The following EFHC1 variants were observed in gnomAD, a reference collection of about 807,000 sequenced individuals.
EFHC1 encodes EF-hand domain containing 1, also known as EF-hand domain-containing protein 1.
A neutral mutation model predicts 69.9 loss-of-function variants in EFHC1; 53 were observed. That is an observed-to-expected ratio of 0.76 (90% CI 0.61 to 0.95). The LOEUF is 0.95. Among genes scored for constraint, EFHC1 ranks in the 40% least tolerant of loss-of-function variants. The pLI is 0.00. For missense variants in EFHC1, 739 were observed against 798.7 expected (o/e 0.93, Z 0.90); for synonymous variants, 256 against 278.4 (o/e 0.92, Z 0.80).
At chr6:52,458,110 G>C (rs1247807139) in intron 5 of EFHC1, among the ~76,000 whole-genome samples, 4 of 152,164 alleles carry the variant, frequency 2.6e-5, no homozygotes, top group African/African-American at 9.7e-5. Flanking sequence ...GTGGAGAAAT[G>C]ATTGTCTTTT....
At chr6:52,421,950 G>A (rs1388629787) in intron 1 of EFHC1, among the ~76,000 whole-genome samples, 2 of 152,212 alleles carry the variant, frequency 1.3e-5, no homozygotes, top group Non-Finnish European at 2.9e-5. Context: ...CAAGTAAGAA[G>A]AACTGTGCAT....
At position 52,490,330 on chromosome 6, in the gene EFHC1, G is replaced by GTTAATCGCTTAACCAAGTC. The variant is rs1467041094; in HGVS notation, c.1831_1832insTTAATCGCTTAACCAAGTC (p.Asp611ValfsTer8). On this transcript the variant is annotated frameshift_variant, in exon 10 of 11. Transcript: ENST00000371068. LOFTEE classifies it high-confidence loss of function. ...CTGTGAATCGCTTAACGTCCCAGTG[G>GTTAATCGCTTAACCAAGTC]ATGACTCCTTGGTTAAGGAGGTCAG... 10 of 1,613,988 alleles carry GTTAATCGCTTAACCAAGTC rather than the reference G, an allele frequency of 6.2e-6. No homozygotes were observed. Among genetic ancestry groups the GTTAATCGCTTAACCAAGTC allele is most frequent in the Non-Finnish European group, 6.8e-6 (8 of 1,179,974 alleles).
At chr6:52,474,207 C>G (rs1765497649) in intron 7 of EFHC1, among the ~76,000 whole-genome samples, 1 of 152,144 alleles carries the variant, frequency 6.6e-6, no homozygotes, top group South Asian at 2.1e-4. Context: ...TCCCAGTTAC[C>G]TGGGACACTA....
intron 9 of EFHC1, among the ~76,000 whole-genome samples, chr6:52,481,359 C>T (rs768497053): frequency 6.6e-5 from 10 of 152,072 alleles, no homozygotes; most frequent in African/African-American, 1.9e-4. Context: ...CTGGATATAT[C>T]GTATATTAGG....
At chr6:52,450,270 C>T (rs1432813311) in intron 3 of EFHC1, among the ~76,000 whole-genome samples, 1 of 152,036 alleles carries the variant, frequency 6.6e-6, no homozygotes, top group African/African-American at 2.4e-5. Flanking sequence ...ATGAGAATAA[C>T]GTATACTCTG....
intron 1 of EFHC1, among the ~76,000 whole-genome samples, chr6:52,422,961 A>G (rs1285694191): frequency 6.6e-6 from 1 of 152,236 alleles, no homozygotes; most frequent in African/African-American, 2.4e-5. Context: ...TGACAGCACC[A>G]TAATCCATTG....
intron 8 of EFHC1, 76 bp downstream of exon 8, chr6:52,479,326 C>A: frequency 6.7e-7 from 1 of 1,493,104 alleles, no homozygotes; most frequent in Non-Finnish European, 9.3e-7. Context: ...TTCATTTAAC[C>A]CTGTAAGAGG....
At chr6:52,446,603 A>G (rs1162650607) in intron 3 of EFHC1, among the ~76,000 whole-genome samples, 2 of 152,186 alleles carry the variant, frequency 1.3e-5, no homozygotes, top group Admixed American at 1.3e-4. Context: ...TCCTGTCATT[A>G]TGATGTTAGA....
chr6:52,453,019 A>G, intron 4 of EFHC1, 182 bp downstream of exon 4: 1 of 1,535,076 alleles, frequency 6.5e-7, no homozygotes, highest in Non-Finnish European at 8.7e-7. Flanking sequence ...GAATGCCTAC[A>G]TTTCATATGG....
chr6:52,478,907 G>A (rs369118768), intron 7 of EFHC1, 130 bp from the exon 8 acceptor site: 1 of 851,946 alleles, frequency 1.2e-6, no homozygotes, highest in Admixed American at 2.1e-5. Context: ...CCCCATAGAT[G>A]GTTTGTTTAT....
intron 7 of EFHC1, among the ~76,000 whole-genome samples, chr6:52,478,179 A>C (rs1180421547): frequency 6.6e-6 from 1 of 152,090 alleles, no homozygotes; most frequent in African/African-American, 2.4e-5. Flanking sequence ...GCAAGAACAA[A>C]AAACCAAACA....
At chr6:52,456,088 G>A (rs1003956418) in intron 5 of EFHC1, among the ~76,000 whole-genome samples, 3 of 152,036 alleles carry the variant, frequency 2.0e-5, no homozygotes, top group Non-Finnish European at 2.9e-5. Context: ...TGAGATTGGG[G>A]AAAAGGATAA....
At chr6:52,464,728 A>G (rs191352595) in intron 5 of EFHC1, among the ~76,000 whole-genome samples, 167 bp from the exon 6 acceptor site, 2 of 152,362 alleles carry the variant, frequency 1.3e-5, no homozygotes, top group Admixed American at 1.3e-4. Flanking sequence ...ACAGATGGAA[A>G]TACACAGCCA....
chr6:52,439,210 A>G (rs1369612433), intron 3 of EFHC1, among the ~76,000 whole-genome samples: 1 of 152,154 alleles, frequency 6.6e-6, no homozygotes, highest in Non-Finnish European at 1.5e-5. Flanking sequence ...TCTTTACTAC[A>G]AAGTGTAGGA....
chr6:52,464,445 G>A (rs547769180), intron 5 of EFHC1, among the ~76,000 whole-genome samples: 27 of 152,186 alleles, frequency 1.8e-4, no homozygotes, highest in African/African-American at 2.4e-5. Context: ...GTTAATTATC[G>A]TAATCCCAGT....
chr6:52,465,697 C>T (rs182720490), intron 6 of EFHC1, among the ~76,000 whole-genome samples: 1 of 151,580 alleles, frequency 6.6e-6, no homozygotes, highest in East Asian at 1.9e-4. Flanking sequence ...ATCCCAGCTC[C>T]TCGGGAGGCT....
intron 10 of EFHC1, chr6:52,491,006 T>G (rs1416294480): frequency 6.6e-6 from 1 of 152,342 alleles, no homozygotes; most frequent in African/African-American, 2.4e-5. Context: ...ATTAAAAATA[T>G]TGAGATTCTG....
intron 3 of EFHC1, among the ~76,000 whole-genome samples, chr6:52,445,620 C>T (rs1475117458): frequency 1.3e-5 from 2 of 152,092 alleles, no homozygotes; most frequent in Admixed American, 1.3e-4. Flanking sequence ...TGTGTTTGCT[C>T]TTGCTTCTCT....
At position 52,494,304 on chromosome 6, in the gene EFHC1, C is replaced by T. The variant is rs1027109792; in HGVS notation, c.*1963C>T. 14 of 454,014 alleles carry T rather than the reference C, an allele frequency of 3.1e-5. No individual in the cohort carries two copies. Among genetic ancestry groups the T allele is most frequent in the African/African-American group, 2.6e-4 (13 of 50,012 alleles). 28.1% of individuals were successfully genotyped at this position (454,014 alleles called of 1,614,324 possible). A position where few individuals can be genotyped will look rare whatever the true frequency, so the allele number is the denominator to read the frequency against. ...AAGCTCTATCCTACTTGGCCCAGCT[C>T]AGTCCTTCCCCCAGGCTTAGAAGCC... On this transcript the variant is annotated 3_prime_UTR_variant, in exon 11 of 11. Transcript: ENST00000371068.
Sources: allele counts gnomAD v4.1 joint callset (sites outside exome capture counted in the v4.1 genomes callset), GRCh38; gene constraint gnomAD v4.1.1; transcripts MANE v1.5; gene names NCBI Gene and HGNC (gene_info 2026-07-23, HGNC 2026-07-21).